CSMD2: variants seen among roughly 807,000 people sequenced by gnomAD.
The protein encoded by CSMD2 is CUB and sushi domain-containing protein 2.
In CSMD2, 130 loss-of-function variants were observed where a neutral mutation model predicts 398.5. The ratio of observed to expected loss-of-function variants is 0.33; its 90% CI spans 0.28 to 0.38. The LOEUF (loss-of-function observed/expected upper bound fraction) is 0.38. Ranked by LOEUF, CSMD2 falls within the 10% of genes least tolerant of loss-of-function variation. The pLI is 1.00. For synonymous variants in CSMD2, 1,828 were observed against 1,908.5 expected, an observed-to-expected ratio of 0.96 and a Z score of 1.10; for missense variants, 3,829 against 4,764.9, an observed-to-expected ratio of 0.80 and a Z score of 5.78.
intron 1 of CSMD2, among the ~76,000 whole-genome samples, chr1:34,102,320 G>A (rs1361664151): frequency 5.3e-5 from 8 of 152,232 alleles, no homozygotes; most frequent in African/African-American, 1.2e-4. Context: ...GTGAGCCACC[G>A]CACCTGGCCA....
chr1:34,160,902 G>A (rs1431405630), intron 1 of CSMD2, among the ~76,000 whole-genome samples: 6 of 152,068 alleles, frequency 3.9e-5, no homozygotes, highest in South Asian at 2.1e-4. Context: ...TAATTGGCAC[G>A]GGAAAAATCA....
In CSMD2 at chr1:33,519,771, G is replaced by A. The variant is rs755671126; in HGVS notation, c.10736+41C>T. 13 of 1,610,952 alleles carry A rather than the reference G, an allele frequency of 8.1e-6. No individual in the cohort carries two copies. The highest frequency in any genetic ancestry group is 1.7e-5 in the Admixed American group (1 of 59,962). On this transcript the variant is annotated intron_variant, in intron 69 of 70. Transcript: ENST00000373381. The surrounding 1 kb of genome is among the most constrained non-coding windows in gnomAD (Gnocchi z 5.6). ...GGGGGGCCCTGGAGGGAGAGAGGGA[G>A]GCCTGCCTGATGCCCGCCCTGCCTC... is the stretch of plus-strand genomic sequence containing the variant.
At position 33,636,276 on chromosome 1, in the gene CSMD2, C is replaced by A; in HGVS notation, c.4969+84G>T. ...GAGCCGGGCTTGAGGACCTTGCCCC[C>A]CTCCCTTCCCCAGCCCACAGCACCC... On this transcript the variant is annotated intron_variant, in intron 30 of 70. Transcript: ENST00000373381. The surrounding 1 kb of genome is among the most constrained non-coding windows in gnomAD (Gnocchi z 4.8). 5.8e-6 allele frequency: 8 copies of A among 1,372,782 alleles called. No individual in the cohort carries two copies. The South Asian group carries it at 7.0e-5, about 12-fold the overall frequency. The allele number at this position is 1,372,782 out of a possible 1,614,324, so 85.0% of individuals were successfully genotyped here. A position where few individuals can be genotyped will look rare whatever the true frequency, so the allele number is the denominator to read the frequency against.
In CSMD2 at chr1:33,988,348, G is replaced by A. The variant is rs144135620; in HGVS notation, c.517+44246C>T. 9.2e-5 allele frequency among the ~76,000 whole-genome samples: 14 copies of A among 152,286 alleles called. No individual in the cohort carries two copies. In the East Asian group the frequency reaches 2.7e-3, roughly 29 times the overall value. On this transcript the variant is annotated intron_variant, in intron 3 of 70. Transcript: ENST00000373381. ...CACAACTGTAGACCCCTAAGGGAGT[G>A]TCTGAGAAGCTGGGCTGGGAATGGG...
intron 1 of CSMD2, among the ~76,000 whole-genome samples, chr1:34,092,626 C>A (rs1407115141): frequency 6.6e-6 from 1 of 152,154 alleles, no homozygotes; most frequent in African/African-American, 2.4e-5. Context: ...GTTCCCTTTC[C>A]TAATCAAAGA....
intron 3 of CSMD2, among the ~76,000 whole-genome samples, chr1:33,992,496 G>A (rs772657765): frequency 2.6e-5 from 4 of 151,760 alleles, no homozygotes; most frequent in Non-Finnish European, 4.4e-5. Flanking sequence ...GATTACAGGC[G>A]TGAGTCACTG....
chr1:33,930,839 G>T (rs961524537), intron 4 of CSMD2, among the ~76,000 whole-genome samples: 1 of 152,208 alleles, frequency 6.6e-6, no homozygotes, highest in African/African-American at 2.4e-5. Flanking sequence ...GATGGGTCAG[G>T]ATCTTTGGGA....
chr1:33,983,033 G>C (rs552052711), intron 3 of CSMD2, among the ~76,000 whole-genome samples: 1 of 152,160 alleles, frequency 6.6e-6, no homozygotes, highest in Non-Finnish European at 1.5e-5. Context: ...GATCAGGGGA[G>C]TGGGGACCCA....
chr1:33,617,043 CTGTACAGGGGT>C, intron 38 of CSMD2, 68 bp from the exon 39 acceptor site: 1 of 1,257,120 alleles, frequency 8.0e-7, no homozygotes, highest in Non-Finnish European at 1.2e-6. Flanking sequence ...CAACCAGGGG[CTGTACAGGGGT>C]CTGGTTCAGG....
In CSMD2 at chr1:34,135,751, TA is replaced by T. The variant is rs1291873970; in HGVS notation, c.187+29159del. On this transcript the variant is annotated intron_variant, in intron 1 of 70. Coordinates refer to ENST00000373381, the MANE Select transcript of CSMD2 (RefSeq NM_001281956.2). ...CAGAAAGAGGTATAAGAGACATTTC[TA>T]AGAGAAAAAAGCATGTTACAGAGTA... Among the ~76,000 whole-genome samples the T allele has an allele frequency of 2.0e-5, 3 of 151,978 alleles. No homozygotes were observed. In the East Asian group the frequency reaches 5.8e-4, roughly 30 times the overall value.
In CSMD2 at chr1:33,657,955, T is replaced by C; in HGVS notation, c.4438A>G (p.Thr1480Ala). Residue 1480 changes from threonine (T) to alanine (A), a missense_variant, in exon 27 of 71, where the codon ACA (threonine) becomes GCA (alanine). Physicochemically the swap from Thr to Ala is moderately conservative, Grantham distance 58. Coordinates refer to ENST00000373381, the MANE Select transcript of CSMD2 (RefSeq NM_001281956.2). ...TGCAGCTGCTTTGTACCGATGCATG[T>C]TGGCGGGCTGGGCTGCCAGAAGAAC... ...NRFFWQPSPP[T>A]CIAPCGGDLT... 1.9e-6 allele frequency: 3 copies of C among 1,613,586 alleles called. No individual in the cohort carries two copies. The highest frequency in any genetic ancestry group is 1.1e-5 in the South Asian group (1 of 91,026).
intron 5 of CSMD2, among the ~76,000 whole-genome samples, chr1:33,888,344 TTCTGGGTAGAAA>T (rs1448076510): frequency 6.6e-6 from 1 of 152,172 alleles, no homozygotes; most frequent in Admixed American, 6.5e-5. Flanking sequence ...AGGAGGTCTT[TTCTGGGTAGAAA>T]ACAAAAATTA....
intron 5 of CSMD2, chr1:33,864,039 A>G: frequency 2.9e-6 from 2 of 688,756 alleles, no homozygotes; most frequent in South Asian, 1.9e-5. Flanking sequence ...CAACAATGCC[A>G]TCAGCACTGA....
At chr1:34,165,666 C>T (rs978961663), upstream of CSMD2, 3 of 1,330,714 alleles carry the variant, frequency 2.3e-6, no homozygotes, top group Admixed American at 5.1e-5. Flanking sequence ...ACACGCACAC[C>T]TCTTCCACGT....
chr1:33,944,075 A>G (rs762556643), intron 3 of CSMD2, among the ~76,000 whole-genome samples: 3 of 152,054 alleles, frequency 2.0e-5, no homozygotes, highest in African/African-American at 7.3e-5. Context: ...GATTTTTTCC[A>G]TGCAGTGTGA....
chr1:33,762,078 G>C (rs1307013262), intron 13 of CSMD2, among the ~76,000 whole-genome samples: 1 of 152,246 alleles, frequency 6.6e-6, no homozygotes, highest in African/African-American at 2.4e-5. Flanking sequence ...CCTAGAAAAG[G>C]TATGTAGTGC....
At chr1:33,934,083 T>G (rs1362224192) in intron 4 of CSMD2, among the ~76,000 whole-genome samples, 1 of 152,144 alleles carries the variant, frequency 6.6e-6, no homozygotes, top group Admixed American at 6.5e-5. Flanking sequence ...TAACAAAAAG[T>G]GTGTGCATGT....
intron 13 of CSMD2, among the ~76,000 whole-genome samples, chr1:33,747,631 A>C (rs1056315858): frequency 1.3e-5 from 2 of 152,186 alleles, no homozygotes; most frequent in East Asian, 3.8e-4. Flanking sequence ...AAAAAGATAA[A>C]ACATCAGTTA....
chr1:33,657,952 A>G lies in CSMD2; in HGVS notation c.4441T>C (p.Cys1481Arg). The G allele has an allele frequency of 6.2e-7, 1 of 1,613,464 alleles. No homozygotes were observed. Among genetic ancestry groups the G allele is most frequent in the Non-Finnish European group, 8.5e-7 (1 of 1,179,476 alleles). The change falls in exon 27 of 71, where the codon TGC becomes CGC. Residue 1481 changes from cysteine to arginine, a missense_variant. Cys to Arg is a radical substitution (Grantham distance 180). This residue lies in a region of CSMD2 where 2,001 missense variants were observed against 2,567.1 expected (regional missense o/e 0.78). Coordinates refer to ENST00000373381, the MANE Select transcript of CSMD2 (RefSeq NM_001281956.2). The stretch of plus-strand genomic sequence containing the variant: ...CCCTGCAGCTGCTTTGTACCGATGC[A>G]TGTTGGCGGGCTGGGCTGCCAGAAG... ...RFFWQPSPPT[C>R]IAPCGGDLTG...
Sources: gnomAD v4.1 joint callset for allele counts (sites outside exome capture counted in the v4.1 genomes callset) on GRCh38, gnomAD v4.1.1 for gene constraint, gnomAD v4.1.1 regional missense constraint, Gnocchi (gnomAD v3.1) non-coding constraint, MANE v1.5 for transcripts, NCBI Gene and HGNC (gene_info 2026-07-23, HGNC 2026-07-21) for gene names.